The following FAM168B variants were observed in gnomAD, a reference collection of about 807,000 sequenced individuals.
FAM168B encodes family with sequence similarity 168 member B, also known as myelin-associated neurite-outgrowth inhibitor.
In FAM168B, 19 loss-of-function variants were observed where a neutral mutation model predicts 21.8. The ratio of observed to expected loss-of-function variants is 0.87; its 90% CI spans 0.61 to 1.28. The LOEUF is 1.28. Ranked by LOEUF, FAM168B falls within the 50% of genes most tolerant of loss-of-function variation. The pLI, the probability that FAM168B is intolerant of heterozygous loss-of-function variation, is 0.00. For missense variants in FAM168B, 233 were observed against 263.1 expected (o/e 0.89, Z 0.79); for synonymous variants, 126 against 104.8 (o/e 1.20, Z -1.24).
intron 1 of FAM168B, among the ~76,000 whole-genome samples, chr2:131,092,365 T>C (rs962671840): frequency 6.6e-6 from 1 of 151,632 alleles, no homozygotes; most frequent in Non-Finnish European, 1.5e-5. Context: ...ACCCACTCCT[T>C]CATCTACAAG....
chr2:131,072,372 C>T (rs1003789109), intron 2 of FAM168B, among the ~76,000 whole-genome samples: 2 of 152,126 alleles, frequency 1.3e-5, no homozygotes, highest in Admixed American at 1.3e-4. Flanking sequence ...GATCCACCCG[C>T]CTCGGCCTCC....
chr2:131,067,448 A>G (rs1175603925), intron 3 of FAM168B, among the ~76,000 whole-genome samples: 1 of 152,206 alleles, frequency 6.6e-6, no homozygotes, highest in African/African-American at 2.4e-5. Flanking sequence ...CAAGATCAAG[A>G]AAGCAGCAGG....
intron 1 of FAM168B, among the ~76,000 whole-genome samples, chr2:131,092,012 C>T (rs1401785937): frequency 3.3e-5 from 5 of 150,042 alleles, no homozygotes; most frequent in African/African-American, 9.8e-5. Context: ...GGCGTGGTGG[C>T]GGGCGCCTGC....
intron 3 of FAM168B, 152 bp downstream of exon 3, chr2:131,071,703 A>G: frequency 3.1e-6 from 2 of 650,332 alleles, no homozygotes; most frequent in Admixed American, 5.5e-5. Context: ...GTAAGAATTA[A>G]GCTTTTGTTG....
intron 3 of FAM168B, 113 bp from the exon 4 acceptor site, chr2:131,055,808 C>G (rs1691992691): frequency 7.9e-7 from 1 of 1,259,730 alleles, no homozygotes; most frequent in African/African-American, 1.5e-5. Flanking sequence ...CTCGCCAGAC[C>G]TGCTGCCACT....
intron 3 of FAM168B, among the ~76,000 whole-genome samples, chr2:131,070,542 C>T (rs1476496436): frequency 6.6e-6 from 1 of 152,174 alleles, no homozygotes; most frequent in African/African-American, 2.4e-5. Flanking sequence ...CACTCAAATC[C>T]TCTGTATTTA....
At chr2:131,089,129 G>A (rs1693874199) in intron 1 of FAM168B, among the ~76,000 whole-genome samples, 1 of 152,020 alleles carries the variant, frequency 6.6e-6, no homozygotes, top group Non-Finnish European at 1.5e-5. Flanking sequence ...ACCACACCCA[G>A]CTAATTTTGT....
intron 3 of FAM168B, among the ~76,000 whole-genome samples, chr2:131,071,154 C>A (rs1321476687): frequency 6.6e-6 from 1 of 152,190 alleles, no homozygotes; most frequent in Non-Finnish European, 1.5e-5. Flanking sequence ...CTGCTGTTGT[C>A]TCCTCCTCTG....
chr2:131,072,065 C>T, intron 2 of FAM168B, 127 bp from the exon 3 acceptor site: 1 of 728,488 alleles, frequency 1.4e-6, no homozygotes, highest in Admixed American at 2.3e-5. Context: ...CCCAAGAGCA[C>T]TATGTGTGGC....
In FAM168B at chr2:131,051,891, G is replaced by A; in HGVS notation, c.*574C>T. 1.0e-6 allele frequency: 1 copy of A among 985,436 alleles called. No homozygotes were observed. Among genetic ancestry groups the A allele is most frequent in the African/African-American group, 1.7e-5 (1 of 57,352 alleles). 61.0% of individuals were successfully genotyped at this position (985,436 alleles called of 1,614,324 possible). A position where few individuals can be genotyped will look rare whatever the true frequency, so the allele number is the denominator to read the frequency against. ...TCGCAACTCCCTCCCAGGACAGTCA[G>A]TGCCAAAGAAACAGGTCGCTGAAAA... On this transcript the variant is annotated 3_prime_UTR_variant, in exon 7 of 7. Transcript: ENST00000389915.
In FAM168B at chr2:131,055,570, G is replaced by C; in HGVS notation, c.280C>G (p.Gln94Glu). Residue 94 changes from glutamine to glutamate, a missense_variant, in exon 4 of 7, where the codon CAG becomes GAG. Coordinates refer to ENST00000389915, the MANE Select transcript of FAM168B (RefSeq NM_001009993.4). ...AAGCATACCTGTGCATACGGGCTCTGCTGGGGGTAGGCACTTCGCACAGGG... is the reference window on the plus strand; with the variant it reads ...AAGCATACCTGTGCATACGGGCTCTCCTGGGGGTAGGCACTTCGCACAGGG... ...VYPVRSAYPQ[Q>E]SPYAQQGTYY... 1 of 1,604,882 alleles carries C rather than the reference G, an allele frequency of 6.2e-7. No homozygotes were observed. The highest frequency in any genetic ancestry group is 1.1e-5 in the South Asian group (1 of 90,078).
In FAM168B at chr2:131,055,332, G is replaced by A. The variant is rs1224381740; in HGVS notation, c.415C>T (p.Pro139Ser). The change falls in exon 5 of 7, where the codon CCT becomes TCT. Residue 139 changes from proline to serine, a missense_variant. Pro to Ser is a moderately conservative substitution (Grantham distance 74). Coordinates refer to ENST00000389915, the MANE Select transcript of FAM168B (RefSeq NM_001009993.4). ...CCCATGGTGACCCCGTTGCCTCTAG[G>A]AGGGGGGATGGGAGCAGGGTACACC... ...ATVYPAPIPP[P>S]RGNGVTMGMV... 6.3e-7 allele frequency: 1 copy of A among 1,585,798 alleles called. No individual in the cohort carries two copies. Among genetic ancestry groups the A allele is most frequent in the Non-Finnish European group, 8.5e-7 (1 of 1,171,524 alleles).
intron 1 of FAM168B, among the ~76,000 whole-genome samples, chr2:131,086,068 T>C (rs897741590): frequency 2.0e-5 from 3 of 152,176 alleles, no homozygotes; most frequent in East Asian, 1.9e-4. Flanking sequence ...CAATTGTGTG[T>C]CTTACCCTAC....
At chr2:131,069,085 G>A (rs1246889630) in intron 3 of FAM168B, among the ~76,000 whole-genome samples, 4 of 152,264 alleles carry the variant, frequency 2.6e-5, no homozygotes, top group African/African-American at 7.2e-5. Flanking sequence ...GGGGGAAGGT[G>A]TCAGCAGCAC....
At chr2:131,089,900 T>C (rs1693918267) in intron 1 of FAM168B, among the ~76,000 whole-genome samples, 1 of 150,468 alleles carries the variant, frequency 6.6e-6, no homozygotes, top group Non-Finnish European at 1.5e-5. Context: ...GCGGTGGTGG[T>C]GCACACCTGT....
At chr2:131,059,363 T>C (rs910999625) in intron 3 of FAM168B, among the ~76,000 whole-genome samples, 1 of 152,186 alleles carries the variant, frequency 6.6e-6, no homozygotes, top group Admixed American at 6.5e-5. Flanking sequence ...AAGGGTCATC[T>C]TGGATAGCTC....
intron 2 of FAM168B, 32 bp from the exon 3 acceptor site, chr2:131,071,970 T>C: frequency 6.3e-7 from 1 of 1,586,306 alleles, no homozygotes; most frequent in Non-Finnish European, 8.6e-7. Flanking sequence ...TCTCATGTCA[T>C]CAACTGAAGT....
intron 3 of FAM168B, among the ~76,000 whole-genome samples, chr2:131,061,782 GA>G (rs112944472): frequency 0.2 from 26,225 of 129,682 alleles, 2,804 homozygotes; most frequent in African/African-American, 0.35. Context: ...ACCCTGTCTC[GA>G]AAAAAAAAAA....
chr2:131,078,372 T>C (rs1031555083), intron 2 of FAM168B, among the ~76,000 whole-genome samples: 2 of 152,192 alleles, frequency 1.3e-5, no homozygotes, highest in African/African-American at 4.8e-5. Context: ...CAGTATAAAC[T>C]ATCTGTATTA....
Sources: gnomAD v4.1 joint callset for allele counts (sites outside exome capture counted in the v4.1 genomes callset) on GRCh38, gnomAD v4.1.1 for gene constraint, MANE v1.5 for transcripts, NCBI Gene and HGNC (gene_info 2026-07-23, HGNC 2026-07-21) for gene names.